GOLPH3: variants seen among roughly 807,000 people sequenced by gnomAD.
GOLPH3 encodes coat protein GPP34.
Under a neutral mutation model 28.5 loss-of-function variants are expected in GOLPH3, and 14 were observed. The observed-to-expected ratio is 0.49, with a 90% CI of 0.32 to 0.77. The LOEUF (loss-of-function observed/expected upper bound fraction) is 0.77. GOLPH3 is among the 30% of genes least tolerant of loss of function. The pLI is 0.03. For synonymous variants in GOLPH3, 158 were observed against 159.2 expected, an observed-to-expected ratio of 0.99 and a Z score of 0.06; for missense variants, 350 against 393.7, an observed-to-expected ratio of 0.89 and a Z score of 0.94.
chr5:32,152,548 G>A (rs1350899846), intron 1 of GOLPH3, among the ~76,000 whole-genome samples: 5 of 148,590 alleles, frequency 3.4e-5, no homozygotes, highest in Admixed American at 6.7e-5. Flanking sequence ...TTCGGGAGGC[G>A]AGGCGGGCGG....
At chr5:32,167,865 G>A (rs532141316) in intron 1 of GOLPH3, among the ~76,000 whole-genome samples, 22 of 152,152 alleles carry the variant, frequency 1.4e-4, no homozygotes, top group African/African-American at 5.1e-4. Context: ...GAGGAGGGAG[G>A]ATTGCTTGAG....
In GOLPH3 at chr5:32,173,241, G is replaced by A. The variant is rs550073226; in HGVS notation, c.225+569C>T. Among the ~76,000 whole-genome samples the A allele has an allele frequency of 2.6e-3, 346 of 134,446 alleles. 3 individuals carry two copies. Among genetic ancestry groups the A allele is most frequent in the Middle Eastern group, 0.015 (4 of 260 alleles). The allele number at this position is 134,446 out of a possible 152,430, so 88.2% of individuals were successfully genotyped here. On this transcript the variant is annotated intron_variant, in intron 1 of 3. Transcript: ENST00000265070. ...AAAGTCATTTACCAGGAGGTTTCAT[G>A]AGAAACTTAACTTAACTTTACTCAG...
At chr5:32,144,752 G>A (rs912901375) in intron 1 of GOLPH3, among the ~76,000 whole-genome samples, 45 of 152,154 alleles carry the variant, frequency 3.0e-4, no homozygotes, top group African/African-American at 1.2e-4. Flanking sequence ...GTGGAAGAAC[G>A]GCCAGACATA....
At chr5:32,128,383 C>T (rs549427958) in intron 3 of GOLPH3, among the ~76,000 whole-genome samples, 12 of 152,246 alleles carry the variant, frequency 7.9e-5, no homozygotes, top group African/African-American at 2.6e-4. Flanking sequence ...AGCGGCCAGG[C>T]GCGGTGGCTC....
chr5:32,149,556 C>T (rs1746258820), intron 1 of GOLPH3, among the ~76,000 whole-genome samples: 1 of 152,118 alleles, frequency 6.6e-6, no homozygotes, highest in African/African-American at 2.4e-5. Context: ...CTTCTGAAAT[C>T]TTACATGAAA....
At chr5:32,161,376 C>A in intron 1 of GOLPH3, among the ~76,000 whole-genome samples, 1 of 148,070 alleles carries the variant, frequency 6.8e-6, no homozygotes. Flanking sequence ...TGGACTCCAC[C>A]CTGGGTGACA....
intron 1 of GOLPH3, among the ~76,000 whole-genome samples, chr5:32,158,132 T>TAAAATACACAC (rs1308648161): frequency 1.2e-4 from 4 of 33,684 alleles, no homozygotes; most frequent in African/African-American, 3.6e-4. Context: ...ATAAATAAAA[T>TAAAATACACAC]ACACACACAC....
At chr5:32,148,435 A>G (rs1357713043) in intron 1 of GOLPH3, among the ~76,000 whole-genome samples, 1 of 152,244 alleles carries the variant, frequency 6.6e-6, no homozygotes, top group Non-Finnish European at 1.5e-5. Context: ...GAAATCACTA[A>G]AAACACTATA....
chr5:32,144,768 G>A lies in GOLPH3; in HGVS notation c.226-888C>T, dbSNP rs1349653622. On this transcript the variant is annotated intron_variant, in intron 1 of 3. Transcript: ENST00000265070. ...TGGAAGAACGGCCAGACATAAGGAGGTTGATAGACATCTAGAGATCTGGGA... is the reference window on the plus strand; with the variant it reads ...TGGAAGAACGGCCAGACATAAGGAGATTGATAGACATCTAGAGATCTGGGA... 2.6e-5 allele frequency among the ~76,000 whole-genome samples: 4 copies of A among 152,166 alleles called. No individual in the cohort carries two copies. In the East Asian group the frequency reaches 7.7e-4, roughly 29 times the overall value.
At chr5:32,127,666 T>G (rs889621106) in intron 3 of GOLPH3, among the ~76,000 whole-genome samples, 4 of 152,230 alleles carry the variant, frequency 2.6e-5, no homozygotes, top group Admixed American at 6.5e-5. Flanking sequence ...TCTAGCGGAC[T>G]ATCTTAAAAT....
chr5:32,159,475 G>A (rs547724328), intron 1 of GOLPH3, among the ~76,000 whole-genome samples: 2 of 152,284 alleles, frequency 1.3e-5, no homozygotes, highest in African/African-American at 4.8e-5. Context: ...AGACTGGGGT[G>A]CTTGACTGGT....
At chr5:32,158,006 T>A (rs1488349060) in intron 1 of GOLPH3, among the ~76,000 whole-genome samples, 1 of 80,948 alleles carries the variant, frequency 1.2e-5, no homozygotes, top group Non-Finnish European at 2.3e-5. Flanking sequence ...AATAAATAAA[T>A]AAATAAATAA....
At chr5:32,126,667 A>C in intron 3 of GOLPH3, 31 bp from the exon 4 acceptor site, 1 of 1,581,154 alleles carries the variant, frequency 6.3e-7, no homozygotes, top group Non-Finnish European at 8.6e-7. Context: ...GTTAGAAATG[A>C]TGAGTATTAT....
intron 3 of GOLPH3, among the ~76,000 whole-genome samples, chr5:32,128,385 C>T (rs976839520): frequency 7.9e-5 from 12 of 152,148 alleles, no homozygotes; most frequent in Admixed American, 1.3e-4. Flanking sequence ...CGGCCAGGCG[C>T]GGTGGCTCAA....
intron 3 of GOLPH3, among the ~76,000 whole-genome samples, chr5:32,131,697 G>C (rs955960071): frequency 6.6e-6 from 1 of 152,184 alleles, no homozygotes; most frequent in African/African-American, 2.4e-5. Flanking sequence ...AAAGGAAATT[G>C]TGAGAAGTAA....
intron 2 of GOLPH3, among the ~76,000 whole-genome samples, chr5:32,141,623 CTCTT>C (rs2111853095): frequency 6.6e-6 from 1 of 150,978 alleles, no homozygotes; most frequent in South Asian, 2.1e-4. Flanking sequence ...TCCTCTCCCT[CTCTT>C]TCCACGGTCT....
At chr5:32,155,347 G>C (rs1466102234) in intron 1 of GOLPH3, among the ~76,000 whole-genome samples, 1 of 151,956 alleles carries the variant, frequency 6.6e-6, no homozygotes, top group East Asian at 1.9e-4. Context: ...CAGCACACTC[G>C]GCTTTTTATT....
chr5:32,164,582 C>G (rs2035279), intron 1 of GOLPH3, among the ~76,000 whole-genome samples: 70,016 of 151,428 alleles, frequency 0.46, 17,510 homozygotes, highest in African/African-American at 0.66. Context: ...TTTTTTAGTA[C>G]AGACAGGCTT....
chr5:32,156,372 G>T (rs1321302976), intron 1 of GOLPH3, among the ~76,000 whole-genome samples: 2 of 151,966 alleles, frequency 1.3e-5, no homozygotes, highest in African/African-American at 4.8e-5. Flanking sequence ...GTATGGTAGT[G>T]TGCACCTGTA....
Sources: gnomAD v4.1 joint callset for allele counts (sites outside exome capture counted in the v4.1 genomes callset) on GRCh38, gnomAD v4.1.1 for gene constraint, MANE v1.5 for transcripts, NCBI Gene and HGNC (gene_info 2026-07-23, HGNC 2026-07-21) for gene names.